Variants in PITPNC1 observed in about 807,000 individuals in gnomAD.
PITPNC1 encodes cytoplasmic phosphatidylinositol transfer protein 1.
In PITPNC1, 18 loss-of-function variants were observed where a neutral mutation model predicts 44.7. That is an observed-to-expected ratio of 0.40 (90% CI 0.28 to 0.60). The LOEUF (loss-of-function observed/expected upper bound fraction) is 0.60. Ranked by LOEUF, PITPNC1 falls within the 20% of genes least tolerant of loss-of-function variation. PITPNC1 has a pLI of 0.39. For synonymous variants in PITPNC1, 141 were observed against 149.6 expected, an observed-to-expected ratio of 0.94 and a Z score of 0.42; for missense variants, 290 against 418.4, an observed-to-expected ratio of 0.69 and a Z score of 2.68.
intron 6 of PITPNC1, among the ~76,000 whole-genome samples, chr17:67,640,712 G>A (rs1386782311): frequency 3.7e-5 from 5 of 133,638 alleles, no homozygotes; most frequent in East Asian, 2.2e-4. Flanking sequence ...AAAAGAGGCC[G>A]GGCACAGTGG....
At chr17:67,461,867 C>T (rs1288601917) in intron 1 of PITPNC1, among the ~76,000 whole-genome samples, 7 of 152,144 alleles carry the variant, frequency 4.6e-5, no homozygotes, top group Admixed American at 4.6e-4. Context: ...ATCATTTAAT[C>T]TAGAGTTCTA....
At chr17:67,652,257 C>T (rs556517220) in intron 6 of PITPNC1, among the ~76,000 whole-genome samples, 1 of 152,292 alleles carries the variant, frequency 6.6e-6, no homozygotes, top group South Asian at 2.1e-4. Flanking sequence ...TCAGCCCCAG[C>T]TGGACCAAGC....
At chr17:67,592,129 T>C (rs2041400838) in intron 5 of PITPNC1, among the ~76,000 whole-genome samples, 1 of 152,108 alleles carries the variant, frequency 6.6e-6, no homozygotes, top group East Asian at 1.9e-4. Flanking sequence ...CCTAAGAGAA[T>C]TTACAAATTA....
intron 8 of PITPNC1, chr17:67,687,204 C>T: frequency 2.3e-6 from 3 of 1,277,146 alleles, no homozygotes; most frequent in Non-Finnish European, 3.4e-6. Context: ...ATTTTTAAAA[C>T]ATGTTGCCCA....
chr17:67,644,591 C>G (rs965877120), intron 6 of PITPNC1, among the ~76,000 whole-genome samples: 1 of 152,008 alleles, frequency 6.6e-6, no homozygotes. Context: ...CACGCCACCA[C>G]GCCCAGCTAA....
chr17:67,638,856 C>A (rs1203176778), intron 6 of PITPNC1: 1 of 152,304 alleles, frequency 6.6e-6, no homozygotes, highest in Admixed American at 6.6e-5. Flanking sequence ...CACCTGTAAT[C>A]CCAGCACTTT....
chr17:67,688,687 C>G (rs1286685635), intron 8 of PITPNC1, among the ~76,000 whole-genome samples: 1 of 152,190 alleles, frequency 6.6e-6, no homozygotes, highest in Non-Finnish European at 1.5e-5. Context: ...GAATTTCTAT[C>G]ACTTTCAATT....
Position 67,597,414 on chromosome 17 carries a change from C to T in PITPNC1, c.366+19157C>T, listed in dbSNP as rs1186325070. Among the ~76,000 whole-genome samples, 4 of 152,098 alleles carry T rather than the reference C, an allele frequency of 2.6e-5. No homozygotes were observed. Among genetic ancestry groups the T allele is most frequent in the African/African-American group, 4.8e-5 (2 of 41,506 alleles). On this transcript the variant is annotated intron_variant, in intron 5 of 8. Coordinates refer to ENST00000581322, the MANE Select transcript of PITPNC1 (RefSeq NM_012417.4). The surrounding 1 kb of genome is among the most constrained non-coding windows in gnomAD (Gnocchi z 4.0). ...ACTAAAAATACAAAAATTAGCCAGG[C>T]GCGGTGGCACACACCTGTAATCACA...
intron 1 of PITPNC1, among the ~76,000 whole-genome samples, chr17:67,425,203 G>GCACACGCACA (rs2038739427): frequency 1.0e-5 from 1 of 98,822 alleles, no homozygotes; most frequent in East Asian, 3.6e-4. Context: ...GCACGCACAC[G>GCACACGCACA]CACACACACA....
Position 67,405,018 on chromosome 17 carries a change from A to G in PITPNC1, c.48+26816A>G, listed in dbSNP as rs2038374309. On this transcript the variant is annotated intron_variant, in intron 1 of 8. Coordinates refer to ENST00000581322, the MANE Select transcript of PITPNC1 (RefSeq NM_012417.4). ...TCCCAGCACTTTGGGAGGCCGAGGC[A>G]GGCAGATCACCTGAGGTCAGGAGTT... Among the ~76,000 whole-genome samples, 6 of 152,248 alleles carry G rather than the reference A, an allele frequency of 3.9e-5. No individual in the cohort carries two copies. The South Asian group carries it at 1.2e-3, about 32-fold the overall frequency.
At chr17:67,405,971 A>T (rs1394620775) in intron 1 of PITPNC1, among the ~76,000 whole-genome samples, 1 of 152,114 alleles carries the variant, frequency 6.6e-6, no homozygotes, top group Non-Finnish European at 1.5e-5. Flanking sequence ...GACATTATAG[A>T]TGATTTAGTC....
At chr17:67,423,091 T>C (rs1027986588) in intron 1 of PITPNC1, among the ~76,000 whole-genome samples, 15 of 152,106 alleles carry the variant, frequency 9.9e-5, no homozygotes, top group African/African-American at 3.4e-4. Flanking sequence ...TTGAACAAAG[T>C]CCATTGATTC....
intron 6 of PITPNC1, among the ~76,000 whole-genome samples, chr17:67,633,493 G>A (rs2041995483): frequency 6.6e-6 from 1 of 152,212 alleles, no homozygotes; most frequent in South Asian, 2.1e-4. Flanking sequence ...CCCTGAAAGG[G>A]CTGGGGAGAG....
intron 4 of PITPNC1, among the ~76,000 whole-genome samples, chr17:67,558,684 T>C (rs1055500986): frequency 6.6e-6 from 1 of 152,096 alleles, no homozygotes; most frequent in Non-Finnish European, 1.5e-5. Flanking sequence ...TTAATAAGAA[T>C]CCACAAAAGA....
At chr17:67,557,864 G>A (rs1393791741) in intron 4 of PITPNC1, among the ~76,000 whole-genome samples, 3 of 152,312 alleles carry the variant, frequency 2.0e-5, no homozygotes, top group South Asian at 2.1e-4. Context: ...TCTTCTTGCT[G>A]TCTTTCCCAA....
chr17:67,683,698 C>T (rs532742667), intron 8 of PITPNC1, among the ~76,000 whole-genome samples: 1 of 152,170 alleles, frequency 6.6e-6, no homozygotes, highest in South Asian at 2.1e-4. Context: ...TAGGGGATGG[C>T]TGGGCGTGGT....
At chr17:67,378,226 C>A in intron 1 of PITPNC1, 24 bp downstream of exon 1, 2 of 1,470,934 alleles carry the variant, frequency 1.4e-6, no homozygotes, top group Non-Finnish European at 1.8e-6. Context: ...CCGGCCCGGC[C>A]TCGCCCGCTC....
At chr17:67,536,153 A>G (rs771903853) in intron 2 of PITPNC1, among the ~76,000 whole-genome samples, 1 of 152,242 alleles carries the variant, frequency 6.6e-6, no homozygotes, top group Non-Finnish European at 1.5e-5. Context: ...AAACAGTAAT[A>G]ATAAGACAAC....
At chr17:67,572,160 G>A (rs1473792901) in intron 4 of PITPNC1, among the ~76,000 whole-genome samples, 1 of 152,044 alleles carries the variant, frequency 6.6e-6, no homozygotes, top group African/African-American at 2.4e-5. Flanking sequence ...TCTCTTCTTG[G>A]AGCAAGTTCA....
Sources: allele counts gnomAD v4.1 joint callset (sites outside exome capture counted in the v4.1 genomes callset), GRCh38; gene constraint gnomAD v4.1.1; non-coding constraint Gnocchi (gnomAD v3.1); transcripts MANE v1.5; gene names NCBI Gene and HGNC (gene_info 2026-07-23, HGNC 2026-07-21).